The following PREX1 variants were observed in gnomAD, a reference collection of about 807,000 sequenced individuals.
PREX1 encodes phosphatidylinositol-3,4,5-trisphosphate dependent Rac exchange factor 1, also known as phosphatidylinositol 3,4,5-trisphosphate-dependent Rac exchanger 1 protein.
In PREX1, 41 loss-of-function variants were observed where a neutral mutation model predicts 198.3. The observed-to-expected ratio is 0.21, with a 90% confidence interval of 0.16 to 0.27. The LOEUF (loss-of-function observed/expected upper bound fraction) is 0.27, where lower values mean the gene tolerates loss of function less well. Among genes scored for constraint, PREX1 ranks in the 10% least tolerant of loss-of-function variants. The probability of loss-of-function intolerance (pLI) is 1.00; values close to 1 mark genes in which losing one functional copy is unlikely to be tolerated. For missense variants in PREX1, 1,620 were observed against 2,200.7 expected (o/e 0.74, Z 5.28); for synonymous variants, 843 against 887.2 (o/e 0.95, Z 0.89).
At chr20:48,671,405 G>C (rs1312245943) in intron 14 of PREX1, among the ~76,000 whole-genome samples, 2 of 152,194 alleles carry the variant, frequency 1.3e-5, no homozygotes, top group Non-Finnish European at 2.9e-5. Context: ...GAGATGCCTG[G>C]GTACAGACGG....
chr20:48,730,791 T>C (rs1312741072), intron 4 of PREX1, among the ~76,000 whole-genome samples: 1 of 151,934 alleles, frequency 6.6e-6, no homozygotes, highest in Non-Finnish European at 1.5e-5. Context: ...GCCCAGGAGT[T>C]CAACACCAGC....
chr20:48,882,966 C>T, the PREX1 span, among the ~76,000 whole-genome samples: 1 of 133,056 alleles, frequency 7.5e-6, no homozygotes, highest in African/African-American at 2.9e-5. Context: ...AAGTCTTGCT[C>T]TGTCACCCAG....
intron 1 of PREX1, among the ~76,000 whole-genome samples, chr20:48,772,867 C>G (rs1488203426): frequency 6.6e-6 from 1 of 152,184 alleles, no homozygotes; most frequent in African/African-American, 2.4e-5. Flanking sequence ...CAGTTTTACT[C>G]ATCTGTAAAA....
At chr20:48,634,597 G>A in intron 33 of PREX1, 79 bp downstream of exon 33, 1 of 1,449,534 alleles carries the variant, frequency 6.9e-7, no homozygotes, top group Non-Finnish European at 9.6e-7. Context: ...GCAGGGGAAG[G>A]ACAGGGTGAC....
the PREX1 span, among the ~76,000 whole-genome samples, chr20:48,850,909 C>A: frequency 1.3e-5 from 2 of 152,164 alleles, no homozygotes; most frequent in Non-Finnish European, 2.9e-5. Flanking sequence ...GCCCCCCGCC[C>A]CCTGCCTGCT....
At chr20:48,652,462 C>A (rs1231646472) in intron 21 of PREX1, 124 bp downstream of exon 21, 221 of 1,312,398 alleles carry the variant, frequency 1.7e-4, no homozygotes, top group Non-Finnish European at 1.2e-4. Context: ...AAAAAACAAA[C>A]CTGCTGGCAT....
chr20:48,692,913 G>A, intron 7 of PREX1, 123 bp from the exon 8 acceptor site: 1 of 792,470 alleles, frequency 1.3e-6, no homozygotes, highest in Non-Finnish European at 2.2e-6. Flanking sequence ...GCCCCAGGTA[G>A]GGGTCAGGAG....
chr20:48,863,314 T>C, the PREX1 span, among the ~76,000 whole-genome samples: 13 of 152,242 alleles, frequency 8.5e-5, no homozygotes, highest in Non-Finnish European at 1.5e-4. Context: ...AGGCCCATAG[T>C]TTATATTAGA....
At chr20:48,704,812 T>G (rs560124643) in intron 6 of PREX1, among the ~76,000 whole-genome samples, 15 of 152,316 alleles carry the variant, frequency 9.8e-5, no homozygotes, top group Admixed American at 9.8e-4. Context: ...TGCCTCGGCC[T>G]CCCACAGTGC....
intron 1 of PREX1, among the ~76,000 whole-genome samples, chr20:48,822,225 G>A (rs988061278): frequency 9.9e-5 from 15 of 152,262 alleles, no homozygotes; most frequent in African/African-American, 3.1e-4. Context: ...TCCGGCATCT[G>A]AAAACTGAAA....
At chr20:48,780,950 T>C (rs919450660) in intron 1 of PREX1, among the ~76,000 whole-genome samples, 4 of 152,178 alleles carry the variant, frequency 2.6e-5, no homozygotes, top group African/African-American at 9.7e-5. Context: ...GCCCCCTGAT[T>C]AAAATGCACA....
intron 29 of PREX1, among the ~76,000 whole-genome samples, chr20:48,641,316 C>T (rs1456420030): frequency 1.3e-5 from 2 of 152,180 alleles, no homozygotes; most frequent in Non-Finnish European, 1.5e-5. Flanking sequence ...ATTTCGTTGC[C>T]GTTGTTTGCA....
the PREX1 span, among the ~76,000 whole-genome samples, chr20:48,882,111 T>G: frequency 1.3e-5 from 2 of 152,200 alleles, no homozygotes; most frequent in African/African-American, 4.8e-5. Flanking sequence ...AGCTAAAGAA[T>G]ATTCCATTAT....
chr20:48,726,118 G>A (rs2122699361), intron 5 of PREX1, among the ~76,000 whole-genome samples, 172 bp downstream of exon 5: 1 of 152,328 alleles, frequency 6.6e-6, no homozygotes, highest in Admixed American at 6.5e-5. Context: ...AAATAAGCCT[G>A]AATGGTGGAA....
At chr20:48,738,247 G>A (rs2090065548) in intron 3 of PREX1, among the ~76,000 whole-genome samples, 1 of 152,176 alleles carries the variant, frequency 6.6e-6, no homozygotes, top group South Asian at 2.1e-4. Flanking sequence ...AGAATGCTGT[G>A]ATTGATTAGG....
At chr20:48,642,981 T>C (rs530113422) in intron 27 of PREX1, among the ~76,000 whole-genome samples, 1 of 152,350 alleles carries the variant, frequency 6.6e-6, no homozygotes, top group African/African-American at 2.4e-5. Context: ...TAAAATTAAA[T>C]TTTTATGCAC....
chr20:48,683,750 C>G (rs775059136), intron 10 of PREX1, among the ~76,000 whole-genome samples: 1 of 152,168 alleles, frequency 6.6e-6, no homozygotes, highest in Non-Finnish European at 1.5e-5. Context: ...GAAATCTCCC[C>G]ATCATTAAAT....
At chr20:48,653,327 C>A in intron 20 of PREX1, 34 bp downstream of exon 20, 1 of 1,604,304 alleles carries the variant, frequency 6.2e-7, no homozygotes, top group Non-Finnish European at 8.5e-7. Context: ...CTCAGCAGGA[C>A]TTCTTTGACG....
intron 5 of PREX1, among the ~76,000 whole-genome samples, chr20:48,722,957 G>C (rs1398619786): frequency 6.6e-6 from 1 of 152,230 alleles, no homozygotes; most frequent in African/African-American, 2.4e-5. Context: ...ACCGGCACCA[G>C]CCAGCTGTGC....
Sources: gnomAD v4.1 joint callset for allele counts (sites outside exome capture counted in the v4.1 genomes callset) on GRCh38, gnomAD v4.1.1 for gene constraint, MANE v1.5 for transcripts, NCBI Gene and HGNC (gene_info 2026-07-23, HGNC 2026-07-21) for gene names.